C7orf33: variants seen among roughly 807,000 people sequenced by gnomAD.
C7orf33 encodes the protein chromosome 7 open reading frame 33.
Under a neutral mutation model 13.4 loss-of-function variants are expected in C7orf33, and 15 were observed. The observed-to-expected ratio is 1.12, with a 90% CI of 0.75 to 1.72. C7orf33 has a LOEUF of 1.72. Among genes scored for constraint, C7orf33 ranks in the 40% most tolerant of loss-of-function variants. The pLI is 0.00. For synonymous variants in C7orf33, 73 were observed against 83.2 expected (o/e 0.88, Z 0.67); for missense variants, 187 against 220.3 (o/e 0.85, Z 0.96).
chr7:148,590,911 A>G lies in C7orf33; in HGVS notation c.-15A>G. ...TCCTTGACAGCATCCAGGAAAGGTAATTACCTTTGCCAAAATGCAAGTGGA... is the reference window on the plus strand; with the variant it reads ...TCCTTGACAGCATCCAGGAAAGGTAGTTACCTTTGCCAAAATGCAAGTGGA... On this transcript the variant is annotated 5_prime_UTR_variant, in exon 1 of 3. Coordinates refer to ENST00000307003, the MANE Select transcript of C7orf33 (RefSeq NM_145304.4). 2 of 1,613,674 alleles carry G rather than the reference A, an allele frequency of 1.2e-6. No individual in the cohort carries two copies. Among genetic ancestry groups the G allele is most frequent in the East Asian group, 4.5e-5 (2 of 44,862 alleles).
chr7:148,592,975 G>C (rs1215929314), intron 1 of C7orf33, among the ~76,000 whole-genome samples: 1 of 151,804 alleles, frequency 6.6e-6, no homozygotes, highest in African/African-American at 2.4e-5. Context: ...CCAGTAGCTG[G>C]GATTACAGGC....
At chr7:148,613,465 A>G (rs949569275) in intron 1 of C7orf33, among the ~76,000 whole-genome samples, 1 of 152,258 alleles carries the variant, frequency 6.6e-6, no homozygotes, top group African/African-American at 2.4e-5. Context: ...TACCTATATA[A>G]TAAACTATTA....
At chr7:148,611,769 G>T (rs190865663) in intron 1 of C7orf33, among the ~76,000 whole-genome samples, 1 of 152,194 alleles carries the variant, frequency 6.6e-6, no homozygotes, top group South Asian at 2.1e-4. Context: ...TGGGTTACAC[G>T]TGCCCACCTG....
At chr7:148,602,583 G>C (rs1455939302) in intron 1 of C7orf33, among the ~76,000 whole-genome samples, 1 of 152,018 alleles carries the variant, frequency 6.6e-6, no homozygotes, top group Non-Finnish European at 1.5e-5. Flanking sequence ...AGGCAACAGA[G>C]CAAGACTTCA....
At chr7:148,599,947 C>T (rs1031494627) in intron 1 of C7orf33, among the ~76,000 whole-genome samples, 1 of 152,200 alleles carries the variant, frequency 6.6e-6, no homozygotes, top group Non-Finnish European at 1.5e-5. Flanking sequence ...CATCTACACG[C>T]CCATAAACAG....
At chr7:148,608,731 C>T (rs941216652) in intron 1 of C7orf33, among the ~76,000 whole-genome samples, 3 of 152,160 alleles carry the variant, frequency 2.0e-5, no homozygotes, top group East Asian at 3.9e-4. Flanking sequence ...GCAGGAGAAT[C>T]GCTTGAACCT....
intron 1 of C7orf33, among the ~76,000 whole-genome samples, chr7:148,595,595 T>A (rs1455501247): frequency 7.6e-6 from 1 of 131,932 alleles, no homozygotes; most frequent in Admixed American, 8.1e-5. Context: ...CTATATTATA[T>A]AGATATACAT....
intron 1 of C7orf33, among the ~76,000 whole-genome samples, chr7:148,599,621 C>T (rs934534032): frequency 2.0e-5 from 3 of 152,008 alleles, no homozygotes; most frequent in East Asian, 3.9e-4. Flanking sequence ...ATTACAGGTG[C>T]GCACCATCAC....
chr7:148,611,458 C>T (rs1011067318), intron 1 of C7orf33, among the ~76,000 whole-genome samples: 22 of 152,172 alleles, frequency 1.4e-4, no homozygotes, highest in South Asian at 4.1e-4. Flanking sequence ...GAGGGAAGGT[C>T]GGCCAGGGGT....
At chr7:148,613,724 A>C (rs970959055) in intron 1 of C7orf33, among the ~76,000 whole-genome samples, 1 of 152,210 alleles carries the variant, frequency 6.6e-6, no homozygotes, top group Non-Finnish European at 1.5e-5. Flanking sequence ...AAAAAGTTCT[A>C]AAATTGACAG....
chr7:148,610,253 T>C (rs1376826320), intron 1 of C7orf33, among the ~76,000 whole-genome samples: 2 of 152,158 alleles, frequency 1.3e-5, no homozygotes, highest in African/African-American at 4.8e-5. Context: ...TCTGTCAGGG[T>C]GTTGCCAAAG....
intron 1 of C7orf33, among the ~76,000 whole-genome samples, chr7:148,611,547 C>T (rs895855259): frequency 6.6e-6 from 1 of 152,182 alleles, no homozygotes. Context: ...CTTCCGGCTC[C>T]CCATCCATGT....
At chr7:148,592,955 C>G (rs1210115444) in intron 1 of C7orf33, among the ~76,000 whole-genome samples, 1 of 152,072 alleles carries the variant, frequency 6.6e-6, no homozygotes, top group African/African-American at 2.4e-5. Context: ...ATTCTCCTGC[C>G]TCACCCTCCC....
chr7:148,607,293 C>G (rs564832268), intron 1 of C7orf33, among the ~76,000 whole-genome samples: 1 of 152,240 alleles, frequency 6.6e-6, no homozygotes, highest in Admixed American at 6.5e-5. Flanking sequence ...CAGTGGTTAA[C>G]CTTTGTTCTC....
At chr7:148,604,978 T>C (rs994703114) in intron 1 of C7orf33, among the ~76,000 whole-genome samples, 1 of 152,222 alleles carries the variant, frequency 6.6e-6, no homozygotes, top group Admixed American at 6.5e-5. Context: ...ACGCCTGTAC[T>C]CTCAGCTCTT....
intron 1 of C7orf33, among the ~76,000 whole-genome samples, chr7:148,594,073 C>A (rs558544538): frequency 2.0e-5 from 3 of 152,066 alleles, no homozygotes; most frequent in Non-Finnish European, 4.4e-5. Flanking sequence ...CTTTGCCTTC[C>A]GTCATGAGTG....
intron 1 of C7orf33, among the ~76,000 whole-genome samples, chr7:148,609,115 A>G (rs1377472449): frequency 2.6e-5 from 4 of 152,134 alleles, no homozygotes; most frequent in Non-Finnish European, 4.4e-5. Flanking sequence ...AAAAAAAAAA[A>G]AAAAAAATCA....
chr7:148,592,881 C>T (rs981152336), intron 1 of C7orf33, among the ~76,000 whole-genome samples: 6 of 152,100 alleles, frequency 3.9e-5, no homozygotes, highest in Non-Finnish European at 8.8e-5. Context: ...ACTCTTGTCA[C>T]CCAGGCTGAA....
intron 1 of C7orf33, among the ~76,000 whole-genome samples, chr7:148,610,526 C>G (rs188709229): frequency 6.6e-6 from 1 of 152,222 alleles, no homozygotes; most frequent in East Asian, 1.9e-4. Context: ...TATTGTGGAG[C>G]CTTGTGAGCA....
Sources: gnomAD v4.1 joint callset for allele counts (sites outside exome capture counted in the v4.1 genomes callset) on GRCh38, gnomAD v4.1.1 for gene constraint, MANE v1.5 for transcripts, NCBI Gene and HGNC (gene_info 2026-07-23, HGNC 2026-07-21) for gene names.